TENM2: variants seen among roughly 807,000 people sequenced by gnomAD.
TENM2 encodes teneurin transmembrane protein 2.
TENM2 carries 52 observed loss-of-function variants against 245.2 expected under a neutral mutation model. The ratio of observed to expected loss-of-function variants is 0.21; its 90% CI spans 0.17 to 0.27. The LOEUF (loss-of-function observed/expected upper bound fraction) is 0.27. Ranked by LOEUF, TENM2 falls within the 10% of genes least tolerant of loss-of-function variation. TENM2 has a pLI of 1.00. For synonymous variants in TENM2, 1,363 were observed against 1,438.9 expected (o/e 0.95, Z 1.19); for missense variants, 3,046 against 3,666.8 (o/e 0.83, Z 4.37).
chr5:167,564,122 G>C (rs1773756969), intron 2 of TENM2, among the ~76,000 whole-genome samples: 1 of 152,176 alleles, frequency 6.6e-6, no homozygotes, highest in Non-Finnish European at 1.5e-5. Context: ...ACCAAAATCA[G>C]TAAACCATAT....
At chr5:168,214,710 C>T (rs575449906) in intron 20 of TENM2, 190 of 452,316 alleles carry the variant, frequency 4.2e-4, no homozygotes, top group Non-Finnish European at 7.8e-4. Flanking sequence ...ACTGCACACA[C>T]ATGGACTGTA....
At chr5:167,286,977 A>AT (rs778787451) in intron 1 of TENM2, among the ~76,000 whole-genome samples, 7 of 152,316 alleles carry the variant, frequency 4.6e-5, no homozygotes, top group Middle Eastern at 3.4e-3. Flanking sequence ...CACATGCCGC[A>AT]TGTTGTTATT....
intron 14 of TENM2, among the ~76,000 whole-genome samples, chr5:168,193,652 G>A (rs755404043): frequency 1.1e-4 from 16 of 152,172 alleles, no homozygotes; most frequent in Non-Finnish European, 1.8e-4. Flanking sequence ...AGCAGTTGTA[G>A]AAAAAGGAAG....
At chr5:167,640,854 T>C (rs1779517642) in intron 2 of TENM2, among the ~76,000 whole-genome samples, 2 of 64,512 alleles carry the variant, frequency 3.1e-5, no homozygotes, top group Non-Finnish European at 5.8e-5. Flanking sequence ...TATATATATA[T>C]ATATCCATAT....
chr5:167,715,558 C>G (rs145481669), intron 2 of TENM2, among the ~76,000 whole-genome samples: 2 of 152,298 alleles, frequency 1.3e-5, no homozygotes, highest in African/African-American at 4.8e-5. Context: ...ATATGTTCAA[C>G]AGAATTCTAC....
At chr5:167,110,895 C>T in the TENM2 span, among the ~76,000 whole-genome samples, 1 of 152,150 alleles carries the variant, frequency 6.6e-6, no homozygotes, top group African/African-American at 2.4e-5. Flanking sequence ...TACTTGCATT[C>T]ATTGTTAGAA....
At chr5:167,790,835 T>C (rs1764905792) in intron 2 of TENM2, among the ~76,000 whole-genome samples, 1 of 152,200 alleles carries the variant, frequency 6.6e-6, no homozygotes, top group Non-Finnish European at 1.5e-5. Context: ...GGGGCAAACA[T>C]TCTCTGAAAA....
chr5:167,256,060 T>C, the TENM2 span, among the ~76,000 whole-genome samples: 14 of 152,196 alleles, frequency 9.2e-5, no homozygotes, highest in Non-Finnish European at 1.9e-4. Flanking sequence ...TTCCCGTTCA[T>C]TATGCATTCT....
intron 1 of TENM2, among the ~76,000 whole-genome samples, chr5:167,286,068 A>G (rs764020325): frequency 7.2e-5 from 11 of 152,188 alleles, no homozygotes; most frequent in Non-Finnish European, 1.5e-4. Flanking sequence ...ATGTGTGTAT[A>G]TATGTTATTA....
At chr5:167,774,386 T>C (rs1395350899) in intron 2 of TENM2, among the ~76,000 whole-genome samples, 1 of 152,188 alleles carries the variant, frequency 6.6e-6, no homozygotes, top group East Asian at 1.9e-4. Context: ...TAGAGTTTAC[T>C]TGCATTGCCA....
At chr5:167,140,247 A>G in the TENM2 span, among the ~76,000 whole-genome samples, 1 of 152,234 alleles carries the variant, frequency 6.6e-6, no homozygotes, top group Admixed American at 6.5e-5. Context: ...AAATAAGCAC[A>G]TTATGGAGAT....
chr5:167,353,659 C>T (rs566736886), intron 1 of TENM2, among the ~76,000 whole-genome samples: 6 of 151,534 alleles, frequency 4.0e-5, no homozygotes, highest in East Asian at 1.9e-4. Context: ...AGGCGCCCGC[C>T]ACTACGCCCG....
At chr5:167,584,280 A>G (rs1775321877) in intron 2 of TENM2, among the ~76,000 whole-genome samples, 2 of 152,238 alleles carry the variant, frequency 1.3e-5, no homozygotes, top group African/African-American at 4.8e-5. Flanking sequence ...CACTGGTTCC[A>G]GAATTTTCTG....
At chr5:167,534,554 G>T (rs1370706799) in intron 2 of TENM2, among the ~76,000 whole-genome samples, 1 of 152,092 alleles carries the variant, frequency 6.6e-6, no homozygotes, top group African/African-American at 2.4e-5. Context: ...AATTTAACTG[G>T]GTGTCCTATA....
intron 1 of TENM2, among the ~76,000 whole-genome samples, chr5:167,301,094 C>T (rs1054200591): frequency 6.6e-6 from 1 of 152,054 alleles, no homozygotes; most frequent in Non-Finnish European, 1.5e-5. Flanking sequence ...GAGAGTTACC[C>T]GAAGCTCAGC....
intron 7 of TENM2, among the ~76,000 whole-genome samples, chr5:168,086,719 G>T (rs1792491091): frequency 1.3e-5 from 2 of 152,214 alleles, no homozygotes; most frequent in African/African-American, 4.8e-5. Context: ...ACGAGGCACA[G>T]TTTGGTCTCC....
intron 1 of TENM2, among the ~76,000 whole-genome samples, chr5:167,370,464 C>G (rs1052067967): frequency 1.3e-5 from 2 of 149,420 alleles, no homozygotes; most frequent in African/African-American, 4.9e-5. Context: ...TATTTTAAGA[C>G]TTGTGTTCCC....
At chr5:167,522,985 G>C (rs1240000030) in intron 2 of TENM2, among the ~76,000 whole-genome samples, 1 of 151,226 alleles carries the variant, frequency 6.6e-6, no homozygotes, top group African/African-American at 2.4e-5. Flanking sequence ...GGGGAGAAGA[G>C]GCAATGGCCT....
intron 2 of TENM2, among the ~76,000 whole-genome samples, chr5:167,485,525 T>C (rs556598888): frequency 6.6e-6 from 1 of 152,170 alleles, no homozygotes; most frequent in Non-Finnish European, 1.5e-5. Flanking sequence ...ATGAACCATA[T>C]TTTTCATCTC....
Sources: allele counts gnomAD v4.1 joint callset (sites outside exome capture counted in the v4.1 genomes callset), GRCh38; gene constraint gnomAD v4.1.1; transcripts MANE v1.5; gene names NCBI Gene and HGNC (gene_info 2026-07-23, HGNC 2026-07-21).